RYR2: variants seen among roughly 807,000 people sequenced by gnomAD.
RYR2 encodes ryanodine receptor 2.
Under a neutral mutation model 601.1 loss-of-function variants are expected in RYR2, and 227 were observed. The observed-to-expected ratio is 0.38, with a 90% CI of 0.34 to 0.42. The LOEUF (loss-of-function observed/expected upper bound fraction) is 0.42, where lower values mean the gene tolerates loss of function less well. Among genes scored for constraint, RYR2 ranks in the 10% least tolerant of loss-of-function variants. RYR2 has a pLI of 1.00. For missense variants in RYR2, 4,646 were observed against 6,156.5 expected, an observed-to-expected ratio of 0.75 and a Z score of 8.21; for synonymous variants, 2,223 against 2,175.1, an observed-to-expected ratio of 1.02 and a Z score of -0.61.
At chr1:237,764,402 ATTTTTTTTTTTTTT>A (rs59485547) in intron 84 of RYR2, among the ~76,000 whole-genome samples, 8 of 69,962 alleles carry the variant, frequency 1.1e-4, no homozygotes, top group South Asian at 6.8e-4. Context: ...CTTAGGTAGC[ATTTTTTTTTTTTTT>A]TTTTTTTTTT....
chr1:237,203,615 C>T (rs1558418500), intron 1 of RYR2, among the ~76,000 whole-genome samples: 1 of 152,118 alleles, frequency 6.6e-6, no homozygotes, highest in Non-Finnish European at 1.5e-5. Context: ...AAAAACTTGA[C>T]CTCCAGGTAA....
intron 80 of RYR2, among the ~76,000 whole-genome samples, chr1:237,747,891 C>A (rs1300559978): frequency 6.6e-6 from 1 of 152,068 alleles, no homozygotes; most frequent in Non-Finnish European, 1.5e-5. Context: ...AAAATATGGA[C>A]TAAAGCATTA....
chr1:237,601,170 A>G (rs774785353), intron 34 of RYR2, among the ~76,000 whole-genome samples: 10 of 152,186 alleles, frequency 6.6e-5, no homozygotes, highest in Admixed American at 1.3e-4. Context: ...TAGCCAAGAT[A>G]GGGAATCAGC....
Position 237,651,517 on chromosome 1 carries a change from G to T in RYR2, c.7824+16G>T. The T allele has an allele frequency of 6.9e-7, 1 of 1,452,784 alleles. No individual in the cohort carries two copies. The highest frequency in any genetic ancestry group is 9.5e-7 in the Non-Finnish European group (1 of 1,056,340). The allele number at this position is 1,452,784 out of a possible 1,614,324, so 90.0% of individuals were successfully genotyped here. ...GCCTCTTAAAGTAAGTATAGGAAAT[G>T]TTTGTAGATATTTGATTACTGGCTT... is the stretch of plus-strand genomic sequence containing the variant. On this transcript the variant is annotated intron_variant, in intron 51 of 104. Coordinates refer to ENST00000366574, the MANE Select transcript of RYR2 (RefSeq NM_001035.3).
intron 1 of RYR2, among the ~76,000 whole-genome samples, chr1:237,220,162 C>T (rs77353320): frequency 0.021 from 3,209 of 152,228 alleles, 55 homozygotes; most frequent in Middle Eastern, 0.027. Context: ...AAGAGATTGA[C>T]GTGAGAGTCA....
Position 237,208,955 on chromosome 1 carries a change from T to TAC in RYR2, c.49-61541_49-61540insCA, listed in dbSNP as rs1186156409. On this transcript the variant is annotated intron_variant, in intron 1 of 104. Coordinates refer to ENST00000366574, the MANE Select transcript of RYR2 (RefSeq NM_001035.3). ...GTGTGTGTATATATATATATATATATATATATATATATATATATATATATA... is the reference window on the plus strand; with the variant it reads ...GTGTGTGTATATATATATATATATATACATATATATATATATATATATATATA... Among the ~76,000 whole-genome samples the TAC allele has an allele frequency of 4.6e-3, 444 of 97,240 alleles. 6 individuals carry two copies. Among genetic ancestry groups the TAC allele is most frequent in the African/African-American group, 0.014 (414 of 28,714 alleles). The allele number at this position is 97,240 out of a possible 152,430, so 63.8% of individuals were successfully genotyped here. A position where few individuals can be genotyped will look rare whatever the true frequency, so the allele number is the denominator to read the frequency against.
chr1:237,585,865 TTTAA>T (rs1204739262), intron 29 of RYR2, among the ~76,000 whole-genome samples: 1 of 152,172 alleles, frequency 6.6e-6, no homozygotes, highest in Non-Finnish European at 1.5e-5. Context: ...ATGGGGTGTA[TTTAA>T]TTATTTATTT....
chr1:237,805,574 C>CTTTTTTTTTTTTTTTT (rs1553334508), intron 98 of RYR2, among the ~76,000 whole-genome samples: 1 of 100,452 alleles, frequency 1.0e-5, no homozygotes, highest in African/African-American at 4.4e-5. Flanking sequence ...GAGCTAGACT[C>CTTTTTTTTTTTTTTTT]TGTCTCAAAA....
chr1:237,559,359 C>A (rs1386837042), intron 27 of RYR2, among the ~76,000 whole-genome samples: 1 of 152,048 alleles, frequency 6.6e-6, no homozygotes, highest in Non-Finnish European at 1.5e-5. Flanking sequence ...AATCAGCCAC[C>A]CACAAGCCGC....
At chr1:237,201,858 A>T (rs1298883306) in intron 1 of RYR2, among the ~76,000 whole-genome samples, 1 of 152,086 alleles carries the variant, frequency 6.6e-6, no homozygotes, top group East Asian at 1.9e-4. Flanking sequence ...TATATTCAGG[A>T]TTTGTTTGAT....
chr1:237,462,232 G>T (rs989542998), intron 16 of RYR2, among the ~76,000 whole-genome samples: 1 of 152,126 alleles, frequency 6.6e-6, no homozygotes, highest in African/African-American at 2.4e-5. Flanking sequence ...TGTGAAATAA[G>T]CCACTGTCTT....
intron 84 of RYR2, among the ~76,000 whole-genome samples, chr1:237,765,265 G>A (rs915374858): frequency 2.0e-5 from 3 of 151,876 alleles, no homozygotes; most frequent in Non-Finnish European, 2.9e-5. Flanking sequence ...GACATTGAAA[G>A]TGCAATTTTT....
intron 1 of RYR2, among the ~76,000 whole-genome samples, chr1:237,227,521 A>G (rs915414340): frequency 2.6e-5 from 4 of 152,190 alleles, no homozygotes; most frequent in African/African-American, 9.7e-5. Context: ...CATAACATCT[A>G]TGAGAAAAAA....
intron 42 of RYR2, 64 bp from the exon 43 acceptor site, chr1:237,633,514 C>A (rs1051992425): frequency 6.3e-7 from 1 of 1,596,358 alleles, no homozygotes; most frequent in Admixed American, 1.7e-5. Context: ...GAGACCTCAA[C>A]GTATGAACTC....
intron 10 of RYR2, among the ~76,000 whole-genome samples, chr1:237,397,963 C>T (rs1000746826): frequency 1.3e-5 from 2 of 151,932 alleles, no homozygotes; most frequent in Admixed American, 6.6e-5. Flanking sequence ...CCTCGTGATC[C>T]ACCCGCCTCG....
At chr1:237,584,655 T>TG (rs1417203265) in intron 29 of RYR2, among the ~76,000 whole-genome samples, 7,532 of 129,534 alleles carry the variant, frequency 0.058, 335 homozygotes, top group East Asian at 0.14. Flanking sequence ...ACCTGTTTTT[T>TG]TTTTTTTTTT....
chr1:237,698,865 T>C (rs891411965), intron 63 of RYR2, 100 bp from the exon 64 acceptor site: 1 of 630,472 alleles, frequency 1.6e-6, no homozygotes, highest in Non-Finnish European at 2.8e-6. Context: ...AATATTACTG[T>C]TGTGTCATTG....
chr1:237,641,305 C>T (rs1489446566), intron 47 of RYR2, among the ~76,000 whole-genome samples: 7 of 152,214 alleles, frequency 4.6e-5, no homozygotes. Context: ...TATGCAATTT[C>T]CTCTTATGTT....
chr1:237,668,583 A>T (rs892369505), intron 58 of RYR2, among the ~76,000 whole-genome samples: 1 of 152,180 alleles, frequency 6.6e-6, no homozygotes, highest in Non-Finnish European at 1.5e-5. Flanking sequence ...GACTTCCTAT[A>T]TGGTTTTCTT....
Sources: allele counts gnomAD v4.1 joint callset (sites outside exome capture counted in the v4.1 genomes callset), GRCh38; gene constraint gnomAD v4.1.1; transcripts MANE v1.5; gene names NCBI Gene and HGNC (gene_info 2026-07-23, HGNC 2026-07-21).